CPNE7: variants seen among roughly 807,000 people sequenced by gnomAD.
The protein encoded by CPNE7 is copine-7.
In CPNE7, 78 loss-of-function variants were observed where a neutral mutation model predicts 66.5. The ratio of observed to expected loss-of-function variants is 1.17; its 90% CI spans 0.98 to 1.42. CPNE7 has a LOEUF of 1.42. CPNE7 is among the 40% of genes most tolerant of loss of function. The pLI, the probability that CPNE7 is intolerant of heterozygous loss-of-function variation, is 0.00. For missense variants in CPNE7, 1,012 were observed against 776.6 expected, an observed-to-expected ratio of 1.30 and a Z score of -3.60; for synonymous variants, 468 against 336.7, an observed-to-expected ratio of 1.39 and a Z score of -4.27.
At chr16:89,589,811 G>T in intron 10 of CPNE7, 86 bp from the exon 11 acceptor site, 2 of 1,472,834 alleles carry the variant, frequency 1.4e-6, no homozygotes, top group Non-Finnish European at 9.4e-7. Flanking sequence ...CAGTCTTTTG[G>T]GCGCCAGTCA....
chr16:89,580,004 C>CACCCATCACACGGAACATCCT (rs1567952652), intron 2 of CPNE7, among the ~76,000 whole-genome samples: 1 of 56,276 alleles, frequency 1.8e-5, no homozygotes, highest in Non-Finnish European at 5.1e-5. Context: ...CGGAACATCT[C>CACCCATCACACGGAACATCCT]ACCCATCACA....
chr16:89,583,316 G>A (rs992118094), intron 2 of CPNE7: 1 of 887,178 alleles, frequency 1.1e-6, no homozygotes, highest in Non-Finnish European at 1.8e-6. Flanking sequence ...ACCTGGGCCT[G>A]GAGAGGGTCA....
intron 13 of CPNE7, among the ~76,000 whole-genome samples, chr16:89,594,355 G>A (rs76472396): frequency 2.8e-4 from 42 of 152,260 alleles, no homozygotes; most frequent in African/African-American, 9.9e-4. Context: ...CCACAGGTGT[G>A]GGGCTCAGAG....
intron 9 of CPNE7, among the ~76,000 whole-genome samples, chr16:89,588,212 C>CACCCACAGATACACGGCCCCCGTGTT (rs2059113036): frequency 6.9e-6 from 1 of 144,146 alleles, no homozygotes; most frequent in Non-Finnish European, 1.5e-5. Context: ...ACCCGCGTGT[C>CACCCACAGATACACGGCCCCCGTGTT]ACCCACAGAT....
intron 2 of CPNE7, among the ~76,000 whole-genome samples, chr16:89,580,057 CACACGGAACATCCCATCACCTGCAG>C: frequency 1.6e-5 from 1 of 63,098 alleles, no homozygotes; most frequent in African/African-American, 4.1e-5. Context: ...TCTCACCCGT[CACACGGAACATCCCATCACCTGCAG>C]ACACGGAACA....
chr16:89,584,791 C>G lies in CPNE7; in HGVS notation c.525C>G (p.Ser175=). The G allele has an allele frequency of 1.2e-6, 2 of 1,613,492 alleles. No homozygotes were observed. The highest frequency in any genetic ancestry group is 1.1e-5 in the South Asian group (1 of 91,044). The change falls in exon 5 of 15, where the codon TCC becomes TCG. Residue 175 remains serine, a synonymous_variant. Transcript: ENST00000319518. This position sits in a 1 kb window ranked among gnomAD's most constrained non-coding sequence, Gnocchi z 6.0. ...CTCCCCAGGACCTCTTCAGCAAGTC[C>G]GACCCCTTCCTGGAGCTCTACAGGG... ...KLDDKDLFSK[S]DPFLELYRVN... is the part of the protein sequence containing the mutation.
At position 89,584,172 on chromosome 16, in the gene CPNE7, GC is replaced by G; in HGVS notation, c.507+73del. ...GAACCGGTTCGAAAACCCGGTCCCT[GC>G]CCAGCGCTGACCTCGCGTGGCTATG... On this transcript the variant is annotated intron_variant, in intron 4 of 14. Coordinates refer to ENST00000319518, the MANE Select transcript of CPNE7 (RefSeq NM_153636.3). This position sits in a 1 kb window ranked among gnomAD's most constrained non-coding sequence, Gnocchi z 6.0. The G allele has an allele frequency of 1.3e-6, 2 of 1,501,172 alleles. No individual in the cohort carries two copies. Among genetic ancestry groups the G allele is most frequent in the Non-Finnish European group, 9.1e-7 (1 of 1,097,658 alleles). The allele number at this position is 1,501,172 out of a possible 1,614,324, so 93.0% of individuals were successfully genotyped here.
chr16:89,588,663 G>C lies in CPNE7; in HGVS notation c.928-12G>C, dbSNP rs374095893. ...CGGCCCAGCACAGCTCCTGGCTCCC[G>C]GCCCACTGCAGGTGGCCATTGACTT... On this transcript the variant is annotated splice_polypyrimidine_tract_variant and intron_variant, in intron 9 of 14. Transcript: ENST00000319518. 2.5e-6 allele frequency: 4 copies of C among 1,612,816 alleles called. No individual in the cohort carries two copies. Among genetic ancestry groups the C allele is most frequent in the South Asian group, 1.1e-5 (1 of 91,074 alleles).
intron 13 of CPNE7, among the ~76,000 whole-genome samples, chr16:89,592,578 G>C (rs2059190085): frequency 6.6e-6 from 1 of 150,784 alleles, no homozygotes; most frequent in South Asian, 2.1e-4. Flanking sequence ...GAGTAGCTGG[G>C]ATTACAGGCT....
chr16:89,587,075 C>T lies in CPNE7; in HGVS notation c.900C>T (p.Ile300=). ...FHRVYSFLDY[I]MGGCQIHFTV... Reference sequence around the variant, plus strand: ...GGGTGTACTCCTTCCTGGACTATATCATGGGCGGCTGCCAGATCCACTTCA... The same window carrying T: ...GGGTGTACTCCTTCCTGGACTATATTATGGGCGGCTGCCAGATCCACTTCA... The change falls in exon 9 of 15, where the codon ATC becomes ATT. Residue 300 remains isoleucine (I), a synonymous_variant. Transcript: ENST00000319518. 6.3e-7 allele frequency: 1 copy of T among 1,577,062 alleles called. No homozygotes were observed. The highest frequency in any genetic ancestry group is 8.6e-7 in the Non-Finnish European group (1 of 1,161,532).
intron 2 of CPNE7, among the ~76,000 whole-genome samples, chr16:89,582,740 G>A (rs2058974942): frequency 6.6e-6 from 1 of 152,250 alleles, no homozygotes; most frequent in South Asian, 2.1e-4. Context: ...TGGGGGTGGA[G>A]GGACTGCCCC....
intron 9 of CPNE7, 91 bp downstream of exon 9, chr16:89,587,193 C>G: frequency 3.6e-6 from 2 of 553,392 alleles, no homozygotes; most frequent in East Asian, 3.3e-5. Context: ...CCCTCCCCGC[C>G]CCCTCAGTCT....
At chr16:89,587,006 C>G (rs889674777) in intron 8 of CPNE7, 37 bp from the exon 9 acceptor site, 3 of 1,561,618 alleles carry the variant, frequency 1.9e-6, no homozygotes, top group African/African-American at 1.4e-5. Context: ...CCTCAGTGTC[C>G]CTGGCGGGGG....
intron 13 of CPNE7, among the ~76,000 whole-genome samples, chr16:89,593,392 A>G (rs959728060): frequency 6.0e-5 from 9 of 149,748 alleles, no homozygotes; most frequent in African/African-American, 2.0e-4. Context: ...CTCGCTCTTC[A>G]CCCAGGCTGG....
At chr16:89,579,267 A>G (rs1167268898) in intron 2 of CPNE7, among the ~76,000 whole-genome samples, 2 of 151,888 alleles carry the variant, frequency 1.3e-5, no homozygotes, top group Non-Finnish European at 2.9e-5. Flanking sequence ...ACACCAGCCC[A>G]GGTGACAGTG....
At chr16:89,579,039 G>A (rs764563163) in intron 2 of CPNE7, 73 of 1,467,978 alleles carry the variant, frequency 5.0e-5, no homozygotes, top group African/African-American at 3.8e-4. Flanking sequence ...GCCTGTAATC[G>A]CAGCACTTTG....
chr16:89,596,194 G>A (rs952273140), intron 14 of CPNE7, among the ~76,000 whole-genome samples: 2 of 152,372 alleles, frequency 1.3e-5, no homozygotes, highest in African/African-American at 2.4e-5. Context: ...ACACAGACAC[G>A]CTCAGGCTTT....
intron 2 of CPNE7, among the ~76,000 whole-genome samples, chr16:89,581,415 C>T (rs546176622): frequency 3.9e-5 from 6 of 152,228 alleles, no homozygotes; most frequent in African/African-American, 4.8e-5. Flanking sequence ...GCCAGCTCCC[C>T]GCCTGGTTCG....
intron 14 of CPNE7, chr16:89,596,049 G>A (rs2059250602): frequency 2.2e-6 from 1 of 453,322 alleles, no homozygotes; most frequent in African/African-American, 2.0e-5. Flanking sequence ...CCTACAGCAA[G>A]ACGTGCATGC....
Sources: allele counts gnomAD v4.1 joint callset (sites outside exome capture counted in the v4.1 genomes callset), GRCh38; gene constraint gnomAD v4.1.1; non-coding constraint Gnocchi (gnomAD v3.1); transcripts MANE v1.5; gene names NCBI Gene and HGNC (gene_info 2026-07-23, HGNC 2026-07-21).